The following LMCD1 variants were observed in gnomAD, a reference collection of about 807,000 sequenced individuals.
LMCD1 encodes LIM and cysteine rich domains 1, also known as LIM and cysteine-rich domains protein 1.
A neutral mutation model predicts 42.7 loss-of-function variants in LMCD1; 32 were observed. That is an observed-to-expected ratio of 0.75 (90% CI 0.57 to 1.01). LMCD1 has a LOEUF of 1.01. LMCD1 is among the 50% of genes least tolerant of loss of function. LMCD1 has a pLI of 0.00. For synonymous variants in LMCD1, 178 were observed against 184.9 expected, an observed-to-expected ratio of 0.96 and a Z score of 0.30; for missense variants, 458 against 483.1, an observed-to-expected ratio of 0.95 and a Z score of 0.49.
rs1472626324 is a variant in LMCD1, at chr3:8,574,621, G to C, written c.*7023G>C. On this transcript the variant is annotated 3_prime_UTR_variant, in exon 6 of 6. Coordinates refer to ENST00000157600, the MANE Select transcript of LMCD1 (RefSeq NM_014583.4). ...ATTAATTTTTTTTAATTACTGGCAA[G>C]ATAAGGCAAATGTTTTTAAAGGCCT... 1 of 152,148 alleles carries C rather than the reference G, an allele frequency of 6.6e-6. No homozygotes were observed. Among genetic ancestry groups the C allele is most frequent in the Non-Finnish European group, 1.5e-5 (1 of 68,020 alleles). 9.4% of individuals were successfully genotyped at this position (152,148 alleles called of 1,614,324 possible). A position where few individuals can be genotyped will look rare whatever the true frequency, so the allele number is the denominator to read the frequency against.
intron 1 of LMCD1, among the ~76,000 whole-genome samples, chr3:8,504,224 C>T (rs1693827634): frequency 6.6e-6 from 1 of 152,136 alleles, no homozygotes. Flanking sequence ...CGAGAAGCTC[C>T]CCTTGCTGAA....
chr3:8,529,961 A>G (rs925313373), intron 1 of LMCD1, among the ~76,000 whole-genome samples: 2 of 152,138 alleles, frequency 1.3e-5, no homozygotes, highest in African/African-American at 2.4e-5. Flanking sequence ...TGTTATCCCC[A>G]TGACGCAGGT....
intron 3 of LMCD1, among the ~76,000 whole-genome samples, chr3:8,544,493 G>A (rs7635073): frequency 0.46 from 69,705 of 151,922 alleles, 16,604 homozygotes; most frequent in Non-Finnish European, 0.52. Context: ...CCAATGGGGC[G>A]TCTGCAGCCA....
At chr3:8,560,380 C>T (rs1263749011) in intron 4 of LMCD1, among the ~76,000 whole-genome samples, 5 of 152,186 alleles carry the variant, frequency 3.3e-5, no homozygotes, top group Admixed American at 3.3e-4. Context: ...ATATCCCCCT[C>T]CTTCCTTCAG....
At chr3:8,561,178 G>T (rs1019744480) in intron 4 of LMCD1, among the ~76,000 whole-genome samples, 2 of 152,142 alleles carry the variant, frequency 1.3e-5, no homozygotes, top group Admixed American at 6.5e-5. Context: ...AAACATAGTT[G>T]ATACTTACTA....
At chr3:8,534,885 A>C (rs988220296) in intron 2 of LMCD1, among the ~76,000 whole-genome samples, 3 of 152,218 alleles carry the variant, frequency 2.0e-5, no homozygotes, top group Non-Finnish European at 2.9e-5. Context: ...AAGAGTGTGA[A>C]TAAAAGGAGA....
In LMCD1 at chr3:8,567,697, G is replaced by C; in HGVS notation, c.*99G>C. The stretch of plus-strand genomic sequence containing the variant: ...AAGGGTCCGATGTGACAGCAAGCAA[G>C]TGAAATAAACAATGATTTGCTTTTC... On this transcript the variant is annotated 3_prime_UTR_variant, in exon 6 of 6. Coordinates refer to ENST00000157600, the MANE Select transcript of LMCD1 (RefSeq NM_014583.4). 1 of 1,162,066 alleles carries C rather than the reference G, an allele frequency of 8.6e-7. No homozygotes were observed. The highest frequency in any genetic ancestry group is 1.2e-6 in the Non-Finnish European group (1 of 818,842). The allele number at this position is 1,162,066 out of a possible 1,614,324, so 72.0% of individuals were successfully genotyped here. A position where few individuals can be genotyped will look rare whatever the true frequency, so the allele number is the denominator to read the frequency against.
At chr3:8,529,693 A>G (rs535882136) in intron 1 of LMCD1, among the ~76,000 whole-genome samples, 1 of 152,318 alleles carries the variant, frequency 6.6e-6, no homozygotes, top group Admixed American at 6.5e-5. Flanking sequence ...TCTTTTTACA[A>G]GTCAAAAAAG....
intron 3 of LMCD1, among the ~76,000 whole-genome samples, chr3:8,543,428 TAG>T (rs1451904770): frequency 7.3e-5 from 9 of 123,986 alleles, no homozygotes; most frequent in East Asian, 2.0e-4. Context: ...GATAGATAGA[TAG>T]ATAGATAGAT....
rs1016448504 is a variant in LMCD1 at position 8,554,954 on chromosome 3, G to A, written c.723+6051G>A. On this transcript the variant is annotated intron_variant, in intron 4 of 5. Transcript: ENST00000157600. ...TACCATTCCTGCCGGGCGCCTCCCCGTCTTGCCCCTTCCCCAACCACTCCT... is the reference window on the plus strand; with the variant it reads ...TACCATTCCTGCCGGGCGCCTCCCCATCTTGCCCCTTCCCCAACCACTCCT... Among the ~76,000 whole-genome samples the A allele has an allele frequency of 5.3e-5, 8 of 152,146 alleles. No individual in the cohort carries two copies. The South Asian group carries it at 1.2e-3, about 24-fold the overall frequency.
chr3:8,504,326 T>C (rs913356661), intron 1 of LMCD1, among the ~76,000 whole-genome samples: 4 of 152,210 alleles, frequency 2.6e-5, no homozygotes, highest in Non-Finnish European at 5.9e-5. Context: ...TCTGCAACAG[T>C]ATGTGGGGGA....
chr3:8,570,596 G>C lies in LMCD1; in HGVS notation c.*2998G>C, dbSNP rs355131. 0.74 allele frequency: 113,261 copies of C among 152,050 alleles called. 42,575 individuals carry two copies. Among genetic ancestry groups the C allele is most frequent in the Admixed American group, 0.8 (12,261 of 15,280 alleles). The allele number at this position is 152,050 out of a possible 1,614,324, so 9.4% of individuals were successfully genotyped here. A position where few individuals can be genotyped will look rare whatever the true frequency, so the allele number is the denominator to read the frequency against. On this transcript the variant is annotated 3_prime_UTR_variant, in exon 6 of 6. Transcript: ENST00000157600. ...AGTCCAGTCCTTTCTCTCCATCCTC[G>C]CTTTCACTCCATCCCCAAAGTCATA...
rs973788272 is a variant in LMCD1 at position 8,573,167 on chromosome 3, C to T, written c.*5569C>T. The T allele has an allele frequency of 2.0e-5, 3 of 152,188 alleles. No individual in the cohort carries two copies. The highest frequency in any genetic ancestry group is 2.9e-5 in the Non-Finnish European group (2 of 68,030). The allele number at this position is 152,188 out of a possible 1,614,324, so 9.4% of individuals were successfully genotyped here. A position where few individuals can be genotyped will look rare whatever the true frequency, so the allele number is the denominator to read the frequency against. On this transcript the variant is annotated 3_prime_UTR_variant, in exon 6 of 6. Transcript: ENST00000157600. ...GGATTTTGTCAATTATAACCAAAAACAATGTGACGGATACCCAAGATGTTT... is the reference window on the plus strand; with the variant it reads ...GGATTTTGTCAATTATAACCAAAAATAATGTGACGGATACCCAAGATGTTT...
At chr3:8,548,527 C>T (rs1694778507) in intron 3 of LMCD1, 41 bp from the exon 4 acceptor site, 2 of 1,411,710 alleles carry the variant, frequency 1.4e-6, no homozygotes, top group Non-Finnish European at 1.9e-6. Context: ...TGATGAAGCC[C>T]CATCCACATC....
intron 3 of LMCD1, among the ~76,000 whole-genome samples, chr3:8,542,938 C>G (rs940151448): frequency 6.6e-6 from 1 of 152,196 alleles, no homozygotes. Context: ...TTCCTATCAT[C>G]TCTTCAACTG....
At chr3:8,550,825 C>A (rs1390601959) in intron 4 of LMCD1, 1 of 985,218 alleles carries the variant, frequency 1.0e-6, no homozygotes, top group Non-Finnish European at 1.2e-6. Flanking sequence ...GGAAGGAGAC[C>A]TCTAAGTCAC....
chr3:8,560,030 T>TTTCC (rs1419324697), intron 4 of LMCD1, among the ~76,000 whole-genome samples: 15 of 152,050 alleles, frequency 9.9e-5, no homozygotes, highest in African/African-American at 1.9e-4. Flanking sequence ...GAACAAGAAT[T>TTTCC]TTCCTTCCTT....
intron 1 of LMCD1, among the ~76,000 whole-genome samples, chr3:8,502,311 A>ATTTTATATATAT (rs1559342079): frequency 7.1e-5 from 2 of 28,094 alleles, no homozygotes; most frequent in East Asian, 6.2e-4. Context: ...TATAATATAT[A>ATTTTATATATAT]AAATATATAT....
intron 4 of LMCD1, among the ~76,000 whole-genome samples, chr3:8,553,795 T>A (rs1694881212): frequency 6.6e-6 from 1 of 152,192 alleles, no homozygotes; most frequent in African/African-American, 2.4e-5. Context: ...AGAGTTGCCC[T>A]CTTCATGGGG....
Sources: gnomAD v4.1 joint callset for allele counts (sites outside exome capture counted in the v4.1 genomes callset) on GRCh38, gnomAD v4.1.1 for gene constraint, MANE v1.5 for transcripts, NCBI Gene and HGNC (gene_info 2026-07-23, HGNC 2026-07-21) for gene names.